The following ZNF316 variants were observed in gnomAD, a reference collection of about 807,000 sequenced individuals.
ZNF316 encodes the protein zinc finger protein 316.
A neutral mutation model predicts 75.6 loss-of-function variants in ZNF316; 23 were observed. The ratio of observed to expected loss-of-function variants is 0.30; its 90% CI spans 0.22 to 0.43. ZNF316 has a LOEUF of 0.43. Ranked by LOEUF, ZNF316 falls within the 20% of genes least tolerant of loss-of-function variation. The probability of loss-of-function intolerance (pLI) is 1.00; values close to 1 mark genes in which losing one functional copy is unlikely to be tolerated. For synonymous variants in ZNF316, 827 were observed against 666.2 expected (o/e 1.24, Z -3.72); for missense variants, 1,266 against 1,409.4 (o/e 0.90, Z 1.63).
Position 6,639,112 on chromosome 7 carries a change from T to G in ZNF316, c.-196T>G, listed in dbSNP as rs1264427862. ...GGGAGAAAGAACTCAGTGTCGTCTTTGGAGGCAGAGACTCTCCACTGCTTC... is the reference window on the plus strand; with the variant it reads ...GGGAGAAAGAACTCAGTGTCGTCTTGGGAGGCAGAGACTCTCCACTGCTTC... On this transcript the variant is annotated 5_prime_UTR_variant, in exon 3 of 9. Transcript: ENST00000382252. The surrounding 1 kb of genome is among the most constrained non-coding windows in gnomAD (Gnocchi z 4.2). The G allele has an allele frequency of 1.3e-5, 2 of 152,322 alleles. No individual in the cohort carries two copies. Among genetic ancestry groups the G allele is most frequent in the African/African-American group, 4.8e-5 (2 of 41,422 alleles). The allele number at this position is 152,322 out of a possible 1,614,324, so 9.4% of individuals were successfully genotyped here.
chr7:6,652,816 G>A lies in ZNF316; in HGVS notation c.1220G>A (p.Gly407Asp). Residue 407 changes from glycine (G) to aspartate (D), a missense_variant, in exon 9 of 9, where the codon GGC (glycine) becomes GAC (aspartate). Gly to Asp is a moderately conservative substitution (Grantham distance 94, BLOSUM62 -1). This residue lies in a region of ZNF316 where 961 missense variants were observed against 990.9 expected (regional missense o/e 0.97). Coordinates refer to ENST00000382252, the MANE Select transcript of ZNF316 (RefSeq NM_001278559.2). ...AAGCCCTTCCCGTGCCCGGACTGCG[G>A]CAAGCGCTTCGTCTACAAGTCGCAC... is the stretch of plus-strand genomic sequence containing the variant. Reference protein sequence around the residue: ...GEKPFPCPDCGKRFVYKSHLV... With the variant: ...GEKPFPCPDCDKRFVYKSHLV... 2.4e-6 allele frequency: 3 copies of A among 1,265,846 alleles called. No homozygotes were observed. The highest frequency in any genetic ancestry group is 3.0e-5 in the East Asian group (1 of 33,108). The allele number at this position is 1,265,846 out of a possible 1,614,324, so 78.4% of individuals were successfully genotyped here.
intron 7 of ZNF316, among the ~76,000 whole-genome samples, 180 bp from the exon 8 acceptor site, chr7:6,644,300 G>A (rs1019223166): frequency 6.6e-6 from 1 of 152,162 alleles, no homozygotes; most frequent in Non-Finnish European, 1.5e-5. Context: ...AGGAGGGCAG[G>A]GGAGGACAGG....
In ZNF316 at chr7:6,652,379, G is replaced by A. The variant is rs1413417417; in HGVS notation, c.783G>A (p.Glu261=). ...AGGACTTCCTGGCGGAGGTGGCCGA[G>A]GAGGAGAACGAGCCCCCAGGGCTCT... ...DDEDFLAEVA[E]EENEPPGLWS... Residue 261 remains glutamate, a synonymous_variant, in exon 9 of 9, where the codon GAG becomes GAA. Coordinates refer to ENST00000382252, the MANE Select transcript of ZNF316 (RefSeq NM_001278559.2). 1.6e-6 allele frequency: 2 copies of A among 1,232,238 alleles called. No individual in the cohort carries two copies. Among genetic ancestry groups the A allele is most frequent in the Non-Finnish European group, 2.0e-6 (2 of 988,108 alleles). 76.3% of individuals were successfully genotyped at this position (1,232,238 alleles called of 1,614,324 possible).
Position 6,653,577 on chromosome 7 carries a change from G to A in ZNF316, c.1981G>A (p.Gly661Ser). Residue 661 changes from glycine (G) to serine (S), a missense_variant, in exon 9 of 9, where the codon GGC becomes AGC. Physicochemically the swap from Gly to Ser is moderately conservative, Grantham distance 56. This residue lies in a region of ZNF316 where 961 missense variants were observed against 990.9 expected (regional missense o/e 0.97). Transcript: ENST00000382252. Reference protein sequence around the residue: ...DPFGGGGAAGGGGGLRAFGPA... With the variant: ...DPFGGGGAAGSGGGLRAFGPA... ...TTTCGGCGGCGGCGGGGCCGCGGGC[G>A]GCGGAGGCGGCCTGCGCGCGTTCGG... The A allele has an allele frequency of 9.2e-7, 1 of 1,089,652 alleles. No individual in the cohort carries two copies. The highest frequency in any genetic ancestry group is 5.5e-5 in the East Asian group (1 of 18,282). 67.5% of individuals were successfully genotyped at this position (1,089,652 alleles called of 1,614,324 possible).
At chr7:6,644,615 C>A in intron 8 of ZNF316, 22 bp downstream of exon 8, 1 of 1,202,168 alleles carries the variant, frequency 8.3e-7, no homozygotes, top group South Asian at 4.2e-5. Flanking sequence ...TGGAATTTTG[C>A]GGTTTGTGCC....
chr7:6,642,797 G>A lies in ZNF316; in HGVS notation c.355+33G>A. 8.1e-7 allele frequency: 1 copy of A among 1,233,332 alleles called. No homozygotes were observed. Among genetic ancestry groups the A allele is most frequent in the Non-Finnish European group, 1.0e-6 (1 of 988,848 alleles). The allele number at this position is 1,233,332 out of a possible 1,614,324, so 76.4% of individuals were successfully genotyped here. A position where few individuals can be genotyped will look rare whatever the true frequency, so the allele number is the denominator to read the frequency against. On this transcript the variant is annotated intron_variant, in intron 5 of 8. Transcript: ENST00000382252. The surrounding 1 kb of genome is among the most constrained non-coding windows in gnomAD (Gnocchi z 8.1). ...AAGCAGCCAGCCTTGGGGAGGAGAT[G>A]AAGGGGGCTGAGGTGGGCCAGGCCA...
intron 8 of ZNF316, among the ~76,000 whole-genome samples, chr7:6,646,592 TGGGGC>T (rs1343943556): frequency 3.3e-5 from 5 of 152,044 alleles, no homozygotes; most frequent in African/African-American, 1.2e-4. Flanking sequence ...GTCGTCGTGT[TGGGGC>T]TGGCAGGCCT....
Position 6,642,499 on chromosome 7 carries a change from AGAGGAG to A in ZNF316, c.102_107del (p.Glu35_Glu36del). The A allele has an allele frequency of 3.2e-6, 4 of 1,233,288 alleles. No homozygotes were observed. The highest frequency in any genetic ancestry group is 4.0e-6 in the Non-Finnish European group (4 of 988,374). The allele number at this position is 1,233,288 out of a possible 1,614,324, so 76.4% of individuals were successfully genotyped here. A position where few individuals can be genotyped will look rare whatever the true frequency, so the allele number is the denominator to read the frequency against. On this transcript the variant is annotated inframe_deletion, in exon 5 of 9. Transcript: ENST00000382252. The surrounding 1 kb of genome is among the most constrained non-coding windows in gnomAD (Gnocchi z 8.1). ...CAGAGTGCGACCCTGACCAGGAAGA[AGAGGAG>A]GAGGAGGAGGAAAAGGGGGAAGAGG...
Position 6,657,332 on chromosome 7 carries a change from AAAAAAAG to A in ZNF316, c.*2722_*2728del, listed in dbSNP as rs958405673. Among the ~76,000 whole-genome samples the A allele has an allele frequency of 2.0e-5, 3 of 149,718 alleles. No homozygotes were observed. Among genetic ancestry groups the A allele is most frequent in the African/African-American group, 5.0e-5 (2 of 39,880 alleles). ...ATTTCAAAAAAAAAAAAAAAAAAAA[AAAAAAAG>A]CCGGGCATAGTGGTATGCATCTGTA... On this transcript the variant is annotated 3_prime_UTR_variant, in exon 9 of 9. Coordinates refer to ENST00000382252, the MANE Select transcript of ZNF316 (RefSeq NM_001278559.2).
Position 6,653,564 on chromosome 7 carries a change from CGGGGCCGCGGGCGGCGGA to C in ZNF316, c.1971_1988del (p.Ala658_Gly663del), listed in dbSNP as rs1779558543. 2 of 1,133,696 alleles carry C rather than the reference CGGGGCCGCGGGCGGCGGA, an allele frequency of 1.8e-6. No homozygotes were observed. Among genetic ancestry groups the C allele is most frequent in the African/African-American group, 3.3e-5 (2 of 60,072 alleles). The allele number at this position is 1,133,696 out of a possible 1,614,324, so 70.2% of individuals were successfully genotyped here. A position where few individuals can be genotyped will look rare whatever the true frequency, so the allele number is the denominator to read the frequency against. ...TGGCGTGCGACCCTTTCGGCGGCGG[CGGGGCCGCGGGCGGCGGA>C]GGCGGCCTGCGCGCGTTCGGGCCCG... On this transcript the variant is annotated inframe_deletion, in exon 9 of 9. Transcript: ENST00000382252.
At chr7:6,651,893 G>A (rs557148876) in intron 8 of ZNF316, among the ~76,000 whole-genome samples, 3 of 152,326 alleles carry the variant, frequency 2.0e-5, no homozygotes, top group East Asian at 3.9e-4. Flanking sequence ...CTGCCCCAGC[G>A]TCTCCACCTG....
rs1437554045 is a variant in ZNF316 at position 6,653,480 on chromosome 7, CGGGCGCCCGCTCCCGGCGCCCCTG to C, written c.1888_1911del (p.Arg630_Gly637del). ...ACTTCCGAGAGCGGCTGCCGGTCGA[CGGGCGCCCGCTCCCGGCGCCCCTG>C]GGGGGCCCGCTCTCCCTGGTGGAGG... On this transcript the variant is annotated inframe_deletion, in exon 9 of 9. Transcript: ENST00000382252. 1.6e-6 allele frequency: 2 copies of C among 1,225,590 alleles called. No individual in the cohort carries two copies. Among genetic ancestry groups the C allele is most frequent in the Admixed American group, 4.3e-5 (1 of 23,436 alleles). 75.9% of individuals were successfully genotyped at this position (1,225,590 alleles called of 1,614,324 possible). A position where few individuals can be genotyped will look rare whatever the true frequency, so the allele number is the denominator to read the frequency against.
chr7:6,639,789 C>T lies in ZNF316; in HGVS notation c.-167+648C>T, dbSNP rs924663981. Among the ~76,000 whole-genome samples, 1 of 152,150 alleles carries T rather than the reference C, an allele frequency of 6.6e-6. No homozygotes were observed. Among genetic ancestry groups the T allele is most frequent in the African/African-American group, 2.4e-5 (1 of 41,436 alleles). On this transcript the variant is annotated intron_variant, in intron 3 of 8. Coordinates refer to ENST00000382252, the MANE Select transcript of ZNF316 (RefSeq NM_001278559.2). This position sits in a 1 kb window ranked among gnomAD's most constrained non-coding sequence, Gnocchi z 4.2. ...CTCAAGTGGGTGGCAGTTGGGAAAC[C>T]GTTGCTGCGTGTACCCAGCGCCCTG...
chr7:6,642,556 G>A lies in ZNF316; in HGVS notation c.147G>A (p.Glu49=). ...TGCAGGAGGTGGAAGAAGAGGAGGA[G>A]GAGATAGTGGTGGAGGAGGAGGAGG... is the stretch of plus-strand genomic sequence containing the variant. ...EEVQEVEEEE[E]EIVVEEEEEG... Residue 49 remains glutamate, a synonymous_variant, in exon 5 of 9, where the codon GAG becomes GAA. Coordinates refer to ENST00000382252, the MANE Select transcript of ZNF316 (RefSeq NM_001278559.2). The surrounding 1 kb of genome is among the most constrained non-coding windows in gnomAD (Gnocchi z 8.1). 8.2e-7 allele frequency: 1 copy of A among 1,224,580 alleles called. No individual in the cohort carries two copies. The allele number at this position is 1,224,580 out of a possible 1,614,324, so 75.9% of individuals were successfully genotyped here.
chr7:6,652,918 G>A lies in ZNF316; in HGVS notation c.1322G>A (p.Arg441His). The A allele has an allele frequency of 8.0e-7, 1 of 1,242,906 alleles. No individual in the cohort carries two copies. The highest frequency in any genetic ancestry group is 1.0e-6 in the Non-Finnish European group (1 of 992,960). The allele number at this position is 1,242,906 out of a possible 1,614,324, so 77.0% of individuals were successfully genotyped here. Residue 441 changes from arginine to histidine, a missense_variant, in exon 9 of 9, where the codon CGC becomes CAC. This residue lies in a region of ZNF316 where 961 missense variants were observed against 990.9 expected (regional missense o/e 0.97). Transcript: ENST00000382252. ...TTCTGCGGCGCGGGCTTCGGGCGCCGCTCCTACCTGGTCACGCACCAGCGC... is the reference window on the plus strand; with the variant it reads ...TTCTGCGGCGCGGGCTTCGGGCGCCACTCCTACCTGGTCACGCACCAGCGC... ...CAFCGAGFGRRSYLVTHQRTH... is the reference protein window; with the variant it reads ...CAFCGAGFGRHSYLVTHQRTH...
intron 8 of ZNF316, among the ~76,000 whole-genome samples, chr7:6,647,246 G>C (rs145153853): frequency 6.6e-6 from 1 of 152,152 alleles, no homozygotes; most frequent in Non-Finnish European, 1.5e-5. Context: ...CCTGTCCTCA[G>C]AGAGGCCCCT....
chr7:6,655,567 C>T lies in ZNF316; in HGVS notation c.*956C>T, dbSNP rs1014137785. The T allele has an allele frequency of 2.0e-5, 3 of 152,242 alleles. No homozygotes were observed. The highest frequency in any genetic ancestry group is 4.4e-5 in the Non-Finnish European group (3 of 68,048). The allele number at this position is 152,242 out of a possible 1,614,324, so 9.4% of individuals were successfully genotyped here. A position where few individuals can be genotyped will look rare whatever the true frequency, so the allele number is the denominator to read the frequency against. ...CCTCTCCGGGAGCAGGCAGACGCCC[C>T]GTTCTCGGAGCCCAGCGCTCACTTA... On this transcript the variant is annotated 3_prime_UTR_variant, in exon 9 of 9. Transcript: ENST00000382252.
chr7:6,653,621 G>A lies in ZNF316; in HGVS notation c.2025G>A (p.Leu675=). 2 of 1,061,866 alleles carry A rather than the reference G, an allele frequency of 1.9e-6. No homozygotes were observed. The highest frequency in any genetic ancestry group is 2.3e-6 in the Non-Finnish European group (2 of 877,992). 65.8% of individuals were successfully genotyped at this position (1,061,866 alleles called of 1,614,324 possible). ...CGTTCGGGCCCGCCATCGGGGGTCT[G>A]CTGGCGGAGCCCGCGCCGGCCGCGC... is the stretch of plus-strand genomic sequence containing the variant. The part of the protein sequence containing the change: ...LRAFGPAIGG[L]LAEPAPAALA... Residue 675 remains leucine, a synonymous_variant, in exon 9 of 9, where the codon CTG becomes CTA. Coordinates refer to ENST00000382252, the MANE Select transcript of ZNF316 (RefSeq NM_001278559.2).
At position 6,653,096 on chromosome 7, in the gene ZNF316, C is replaced by T; in HGVS notation, c.1500C>T (p.Phe500=). ...CGQAFRLRAD[F]QRHRRGGGCA... is the part of the protein sequence containing the mutation. ...AGGCCTTCCGCCTGCGCGCCGACTT[C>T]CAGCGCCACCGACGCGGCGGGGGCT... The change falls in exon 9 of 9, where the codon TTC becomes TTT. Residue 500 remains phenylalanine (F), a synonymous_variant. Transcript: ENST00000382252. 1 of 1,187,590 alleles carries T rather than the reference C, an allele frequency of 8.4e-7. No individual in the cohort carries two copies. Among genetic ancestry groups the T allele is most frequent in the Non-Finnish European group, 1.0e-6 (1 of 960,480 alleles). 73.6% of individuals were successfully genotyped at this position (1,187,590 alleles called of 1,614,324 possible). A position where few individuals can be genotyped will look rare whatever the true frequency, so the allele number is the denominator to read the frequency against.
Sources: gnomAD v4.1 joint callset for allele counts (sites outside exome capture counted in the v4.1 genomes callset) on GRCh38, gnomAD v4.1.1 for gene constraint, gnomAD v4.1.1 regional missense constraint, Gnocchi (gnomAD v3.1) non-coding constraint, MANE v1.5 for transcripts, NCBI Gene and HGNC (gene_info 2026-07-23, HGNC 2026-07-21) for gene names.